The following EPHA3 variants were observed in gnomAD, a reference collection of about 807,000 sequenced individuals.
EPHA3 encodes EPH receptor A3.
A neutral mutation model predicts 107.1 loss-of-function variants in EPHA3; 42 were observed. The observed-to-expected ratio is 0.39, with a 90% confidence interval of 0.31 to 0.51. EPHA3 has a LOEUF of 0.51. Ranked by LOEUF, EPHA3 falls within the 20% of genes least tolerant of loss-of-function variation. The pLI, the probability that EPHA3 is intolerant of heterozygous loss-of-function variation, is 0.78. For missense variants in EPHA3, 1,183 were observed against 1,211.2 expected (o/e 0.98, Z 0.35); for synonymous variants, 461 against 424.8 (o/e 1.09, Z -1.05).
At chr3:89,281,410 T>C (rs920021594) in intron 3 of EPHA3, among the ~76,000 whole-genome samples, 3 of 152,114 alleles carry the variant, frequency 2.0e-5, no homozygotes, top group Admixed American at 6.6e-5. Flanking sequence ...ACTAGCAGAT[T>C]TCTGAGCCAA....
At chr3:89,271,166 C>T (rs1416739641) in intron 3 of EPHA3, among the ~76,000 whole-genome samples, 2 of 151,864 alleles carry the variant, frequency 1.3e-5, no homozygotes, top group African/African-American at 4.8e-5. Context: ...TCTTATTCTT[C>T]AGGAAATGTT....
chr3:89,452,408 T>C (rs1710011234), intron 15 of EPHA3, among the ~76,000 whole-genome samples: 2 of 152,150 alleles, frequency 1.3e-5, no homozygotes, highest in African/African-American at 4.8e-5. Flanking sequence ...AGTGTGAGGT[T>C]CTAGCTCATT....
At chr3:89,423,842 T>A (rs1301707496) in intron 11 of EPHA3, among the ~76,000 whole-genome samples, 2 of 151,436 alleles carry the variant, frequency 1.3e-5, no homozygotes, top group Admixed American at 6.6e-5. Context: ...TTTTCTGATA[T>A]TTTTGAAAAA....
intron 13 of EPHA3, among the ~76,000 whole-genome samples, chr3:89,438,737 A>G (rs112982775): frequency 0.022 from 3,277 of 152,286 alleles, 40 homozygotes; most frequent in African/African-American, 0.034. Context: ...AAAAAAGTCA[A>G]CTACGAATTT....
intron 3 of EPHA3, among the ~76,000 whole-genome samples, chr3:89,270,681 T>A (rs1272841984): frequency 6.6e-6 from 1 of 152,088 alleles, no homozygotes; most frequent in Non-Finnish European, 1.5e-5. Context: ...ATGAATTCAA[T>A]GTCAACTTGC....
chr3:89,394,798 CA>C (rs1182745205), intron 5 of EPHA3, among the ~76,000 whole-genome samples: 1 of 152,140 alleles, frequency 6.6e-6, no homozygotes, highest in Non-Finnish European at 1.5e-5. Context: ...AACAATTCAA[CA>C]GTTAATGTAT....
At position 89,209,950 on chromosome 3, in the gene EPHA3, C is replaced by T; in HGVS notation, c.244C>T (p.Leu82=). ...CATGGACCACAGTCAAAACAATTGG[C>T]TGAGAACAAACTGGGTCCCCAGGAA... ...NVMDHSQNNW[L]RTNWVPRNSA... Residue 82 remains leucine, a synonymous_variant, in exon 3 of 17, where the codon CTG becomes TTG. Coordinates refer to ENST00000336596, the MANE Select transcript of EPHA3 (RefSeq NM_005233.6). 2 of 1,613,858 alleles carry T rather than the reference C, an allele frequency of 1.2e-6. No homozygotes were observed. The highest frequency in any genetic ancestry group is 2.2e-5 in the South Asian group (2 of 91,084).
chr3:89,300,960 A>G (rs1559638511), intron 3 of EPHA3, among the ~76,000 whole-genome samples: 1 of 152,094 alleles, frequency 6.6e-6, no homozygotes, highest in Non-Finnish European at 1.5e-5. Context: ...TGTTTCCATG[A>G]AAGTACCACA....
intron 8 of EPHA3, 69 bp downstream of exon 8, chr3:89,407,440 A>C: frequency 8.0e-7 from 1 of 1,250,100 alleles, no homozygotes; most frequent in African/African-American, 1.5e-5. Context: ...ATTGCTGTTA[A>C]AATGTGAAGA....
At chr3:89,301,252 C>T (rs1468892239) in intron 3 of EPHA3, among the ~76,000 whole-genome samples, 1 of 152,022 alleles carries the variant, frequency 6.6e-6, no homozygotes, top group Non-Finnish European at 1.5e-5. Context: ...AGTGTAGCAA[C>T]ATTGTAGGAC....
rs531853353 is a variant in EPHA3 at position 89,473,024 on chromosome 3, A to C, written c.2846+405A>C. On this transcript the variant is annotated intron_variant, in intron 16 of 16. Coordinates refer to ENST00000336596, the MANE Select transcript of EPHA3 (RefSeq NM_005233.6). ...TAAAGCTTAACATCTGTGAATCAGG[A>C]AAATTGAGAGCCAAGTAGATAATGT... Among the ~76,000 whole-genome samples the C allele has an allele frequency of 6.6e-5, 10 of 152,266 alleles. No individual in the cohort carries two copies. The South Asian group carries it at 2.1e-3, about 32-fold the overall frequency.
At chr3:89,400,031 A>G (rs1708926608) in intron 7 of EPHA3, 2 of 1,036,304 alleles carry the variant, frequency 1.9e-6, no homozygotes, top group Non-Finnish European at 2.3e-6. Context: ...ACTGGCAAAC[A>G]TTTTTCCAGT....
chr3:89,165,708 T>G (rs1705047031), intron 2 of EPHA3, among the ~76,000 whole-genome samples: 1 of 152,222 alleles, frequency 6.6e-6, no homozygotes, highest in Admixed American at 6.5e-5. Flanking sequence ...CATACTCATC[T>G]TCTGAAATAA....
chr3:89,120,200 G>T (rs1266390469), intron 1 of EPHA3, among the ~76,000 whole-genome samples: 1 of 152,052 alleles, frequency 6.6e-6, no homozygotes, highest in African/African-American at 2.4e-5. Flanking sequence ...CTTTCAAAAA[G>T]GTCTCTCTGA....
intron 5 of EPHA3, among the ~76,000 whole-genome samples, chr3:89,393,201 G>A (rs574722439): frequency 6.6e-5 from 10 of 152,200 alleles, no homozygotes; most frequent in Non-Finnish European, 8.8e-5. Flanking sequence ...TTAACATAGC[G>A]ATGGCACAAG....
chr3:89,148,579 A>T (rs2107036167), intron 2 of EPHA3, among the ~76,000 whole-genome samples: 1 of 152,126 alleles, frequency 6.6e-6, no homozygotes, highest in African/African-American at 2.4e-5. Flanking sequence ...TTGAAAAGTT[A>T]TCAGGGAAAA....
chr3:89,458,926 G>A (rs551273514), intron 15 of EPHA3, among the ~76,000 whole-genome samples: 21 of 152,248 alleles, frequency 1.4e-4, no homozygotes, highest in Non-Finnish European at 2.6e-4. Context: ...ACTAACACAG[G>A]AACAGAAAAC....
chr3:89,204,748 A>G (rs944821280), intron 2 of EPHA3, among the ~76,000 whole-genome samples: 1 of 152,084 alleles, frequency 6.6e-6, no homozygotes, highest in African/African-American at 2.4e-5. Flanking sequence ...CCTTGCTGTA[A>G]GAGATTCTGC....
chr3:89,476,022 T>G (rs1710497510), intron 16 of EPHA3, among the ~76,000 whole-genome samples: 1 of 151,518 alleles, frequency 6.6e-6, no homozygotes, highest in African/African-American at 2.4e-5. Flanking sequence ...AATGGATAAT[T>G]ACTTTAATTC....
Sources: gnomAD v4.1 joint callset for allele counts (sites outside exome capture counted in the v4.1 genomes callset) on GRCh38, gnomAD v4.1.1 for gene constraint, MANE v1.5 for transcripts, NCBI Gene and HGNC (gene_info 2026-07-23, HGNC 2026-07-21) for gene names.